WNT5A: variants seen among roughly 807,000 people sequenced by gnomAD.
WNT5A encodes the protein Wnt family member 5A.
Under a neutral mutation model 42.1 loss-of-function variants are expected in WNT5A, and 9 were observed. The observed-to-expected ratio is 0.21, with a 90% CI of 0.13 to 0.37. WNT5A has a LOEUF of 0.37. Among genes scored for constraint, WNT5A ranks in the 10% least tolerant of loss-of-function variants. WNT5A has a pLI of 1.00. For synonymous variants in WNT5A, 210 were observed against 210.0 expected (o/e 1.00, Z 0.00); for missense variants, 426 against 534.0 (o/e 0.80, Z 1.99).
intron 1 of WNT5A, among the ~76,000 whole-genome samples, chr3:55,482,243 G>T (rs888549469): frequency 2.0e-5 from 3 of 152,236 alleles, no homozygotes; most frequent in Non-Finnish European, 2.9e-5. Flanking sequence ...AGAATTTCAG[G>T]GGTAGGAGTT....
chr3:55,472,137 C>T (rs943585051), intron 4 of WNT5A, among the ~76,000 whole-genome samples: 4 of 152,202 alleles, frequency 2.6e-5, no homozygotes, highest in African/African-American at 7.2e-5. Flanking sequence ...TTCGTAACCT[C>T]ACTCACCAAA....
At chr3:55,480,160 G>T (rs1463972138) in intron 2 of WNT5A, among the ~76,000 whole-genome samples, 1 of 152,104 alleles carries the variant, frequency 6.6e-6, no homozygotes, top group Non-Finnish European at 1.5e-5. Context: ...GAAAAATGCT[G>T]TTCATTTACA....
the WNT5A span, among the ~76,000 whole-genome samples, chr3:55,504,553 C>T: frequency 1.3e-5 from 2 of 151,998 alleles, no homozygotes; most frequent in African/African-American, 2.4e-5. Flanking sequence ...AACCTCTGCC[C>T]TCCCGGGTTC....
intron 1 of WNT5A, among the ~76,000 whole-genome samples, chr3:55,485,496 AACACACACGC>A (rs971723240): frequency 6.6e-6 from 1 of 151,570 alleles, no homozygotes; most frequent in Non-Finnish European, 1.5e-5. Flanking sequence ...TACACACACA[AACACACACGC>A]ACACACACGC....
the WNT5A span, among the ~76,000 whole-genome samples, chr3:55,502,954 T>C: frequency 1.3e-5 from 2 of 152,272 alleles, no homozygotes; most frequent in Non-Finnish European, 2.9e-5. Context: ...ACATTTCTTA[T>C]CACACAAGTT....
upstream of WNT5A, chr3:55,487,374 A>C (rs2051598530): frequency 7.5e-6 from 2 of 267,058 alleles, no homozygotes; most frequent in Non-Finnish European, 1.4e-5. Flanking sequence ...CCAACCCCAA[A>C]TGTGGGCGTG....
chr3:55,496,981 C>T, the WNT5A span, among the ~76,000 whole-genome samples: 1 of 152,340 alleles, frequency 6.6e-6, no homozygotes, highest in Admixed American at 6.5e-5. Flanking sequence ...CAGATATTTA[C>T]GGGTCACCTA....
upstream of WNT5A, among the ~76,000 whole-genome samples, chr3:55,491,566 C>T (rs571105409): frequency 2.6e-5 from 4 of 152,344 alleles, no homozygotes; most frequent in Admixed American, 2.6e-4. Flanking sequence ...ATCCCTGTGC[C>T]GCCTTTCCCA....
At position 55,474,544 on chromosome 3, in the gene WNT5A, C is replaced by T; in HGVS notation, c.477G>A (p.Leu159=). Residue 159 remains leucine, a synonymous_variant, in exon 4 of 5, where the codon CTG becomes CTA. Coordinates refer to ENST00000264634, the MANE Select transcript of WNT5A (RefSeq NM_003392.7). ...AMSRACREGE[L]STCGCSRAAR... is the part of the protein sequence containing the mutation. ...CGGCGCGGCTGCAGCCGCAGGTGGA[C>T]AGCTCGCCCTCGCGGCACGCCCGGC... 1 of 1,545,092 alleles carries T rather than the reference C, an allele frequency of 6.5e-7. No homozygotes were observed. Among genetic ancestry groups the T allele is most frequent in the South Asian group, 1.2e-5 (1 of 82,646 alleles).
chr3:55,473,767 C>A (rs1005334900), intron 4 of WNT5A, among the ~76,000 whole-genome samples: 5 of 151,932 alleles, frequency 3.3e-5, no homozygotes, highest in Non-Finnish European at 4.4e-5. Flanking sequence ...AGGGAAAGAG[C>A]CTCAAAGCTG....
chr3:55,486,964 C>G lies in WNT5A; in HGVS notation c.6+16G>C, dbSNP rs1575408938. ...GGGAAGTAAAGAAAAAAAGTGGCAG[C>G]GCACTGAACACCTACCTTCATGGCG... On this transcript the variant is annotated intron_variant, in intron 1 of 4. Transcript: ENST00000264634. The G allele has an allele frequency of 1.9e-6, 3 of 1,609,874 alleles. No homozygotes were observed. Among genetic ancestry groups the G allele is most frequent in the Non-Finnish European group, 2.5e-6 (3 of 1,176,994 alleles).
chr3:55,501,513 C>A, the WNT5A span: 1 of 152,190 alleles, frequency 6.6e-6, no homozygotes. Flanking sequence ...TAGGGAGCAT[C>A]TTGAAATTTC....
At chr3:55,482,671 T>C (rs2051491211) in intron 1 of WNT5A, among the ~76,000 whole-genome samples, 1 of 152,130 alleles carries the variant, frequency 6.6e-6, no homozygotes, top group Non-Finnish European at 1.5e-5. Context: ...CAAGGCCCAG[T>C]TGTCCCCAAA....
In WNT5A at chr3:55,483,253, C is replaced by T. The variant is rs1350379484; in HGVS notation, c.7-2335G>A. Among the ~76,000 whole-genome samples, 1 of 152,122 alleles carries T rather than the reference C, an allele frequency of 6.6e-6. No individual in the cohort carries two copies. Among genetic ancestry groups the T allele is most frequent in the East Asian group, 1.9e-4 (1 of 5,166 alleles). ...GGGTAGAGGTAGGCAGAGGGTGTCC[C>T]AAAGGGGGATCGGAAAGGAGAGCCT... On this transcript the variant is annotated intron_variant, in intron 1 of 4. Coordinates refer to ENST00000264634, the MANE Select transcript of WNT5A (RefSeq NM_003392.7). This position sits in a 1 kb window ranked among gnomAD's most constrained non-coding sequence, Gnocchi z 4.2.
chr3:55,485,369 GGGA>G (rs200493805), intron 1 of WNT5A, among the ~76,000 whole-genome samples: 2,540 of 152,188 alleles, frequency 0.017, 41 homozygotes, highest in Non-Finnish European at 0.022. Context: ...CACGGGGGAG[GGGA>G]GGAGAAGACA....
At chr3:55,481,046 A>C in intron 1 of WNT5A, 128 bp from the exon 2 acceptor site, 1 of 1,068,250 alleles carries the variant, frequency 9.4e-7, no homozygotes, top group Non-Finnish European at 1.2e-6. Context: ...CTCCTCCGTG[A>C]GTTTTTTGAT....
intron 3 of WNT5A, among the ~76,000 whole-genome samples, chr3:55,476,868 A>T (rs951788836): frequency 9.9e-5 from 15 of 152,184 alleles, no homozygotes; most frequent in African/African-American, 3.4e-4. Flanking sequence ...ATCTTTTCAC[A>T]GCATGGAAAC....
At chr3:55,498,772 A>AT in the WNT5A span, among the ~76,000 whole-genome samples, 3,485 of 150,676 alleles carry the variant, frequency 0.023, 133 homozygotes, top group African/African-American at 0.081. Context: ...TAGTCTCAGG[A>AT]TTTTTTTTTT....
chr3:55,484,685 TACACAC>T (rs67013864), intron 1 of WNT5A, among the ~76,000 whole-genome samples: 5,558 of 137,892 alleles, frequency 0.04, 125 homozygotes, highest in African/African-American at 0.071. Context: ...GGCCCCAGGA[TACACAC>T]ACACACACAC....
Sources: allele counts gnomAD v4.1 joint callset (sites outside exome capture counted in the v4.1 genomes callset), GRCh38; gene constraint gnomAD v4.1.1; non-coding constraint Gnocchi (gnomAD v3.1); transcripts MANE v1.5; gene names NCBI Gene and HGNC (gene_info 2026-07-23, HGNC 2026-07-21).